The following ARMC3 variants were observed in gnomAD, a reference collection of about 807,000 sequenced individuals.
ARMC3 encodes the protein armadillo repeat-containing protein 3.
ARMC3 carries 74 observed loss-of-function variants against 90.3 expected under a neutral mutation model. The ratio of observed to expected loss-of-function variants is 0.82; its 90% CI spans 0.68 to 0.99. ARMC3 has a LOEUF of 0.99. ARMC3 is among the 50% of genes least tolerant of loss of function. The pLI is 0.00. For synonymous variants in ARMC3, 334 were observed against 361.8 expected (o/e 0.92, Z 0.87); for missense variants, 958 against 1,042.8 (o/e 0.92, Z 1.12).
chr10:22,948,331 G>A (rs890702806), intron 3 of ARMC3, among the ~76,000 whole-genome samples: 3 of 152,006 alleles, frequency 2.0e-5, no homozygotes, highest in South Asian at 2.1e-4. Flanking sequence ...TGGCTGTCAC[G>A]TGTATCTAAT....
Position 22,962,020 on chromosome 10 carries a change from G to A in ARMC3, c.674G>A (p.Arg225Gln), listed in dbSNP as rs1021320309. The A allele has an allele frequency of 6.8e-6, 11 of 1,610,518 alleles. No homozygotes were observed. The highest frequency in any genetic ancestry group is 3.4e-5 in the Admixed American group (2 of 59,124). ...GTTATTGCAAATGATAAGGAGTCTC[G>A]AACAATGCTAAGAGACAATCAAGGA... Reference protein sequence around the residue: ...LGVIANDKESRTMLRDNQGLD... With the variant: ...LGVIANDKESQTMLRDNQGLD... Residue 225 changes from arginine to glutamine, a missense_variant, in exon 7 of 19, where the codon CGA (arginine) becomes CAA (glutamine). Arg to Gln is a conservative substitution (Grantham distance 43, BLOSUM62 1). Transcript: ENST00000298032.
At chr10:23,024,778 A>C (rs1564403454) in intron 16 of ARMC3, among the ~76,000 whole-genome samples, 1 of 152,230 alleles carries the variant, frequency 6.6e-6, no homozygotes, top group Non-Finnish European at 1.5e-5. Flanking sequence ...GAGCAGAGGA[A>C]TAAAAACCAA....
chr10:22,984,939 C>T (rs996346550), intron 10 of ARMC3, among the ~76,000 whole-genome samples: 5 of 151,448 alleles, frequency 3.3e-5, no homozygotes, highest in South Asian at 4.2e-4. Flanking sequence ...ATGGTACAAT[C>T]GTAGCTCACT....
intron 8 of ARMC3, 104 bp downstream of exon 8, chr10:22,968,593 C>T: frequency 2.8e-6 from 3 of 1,054,074 alleles, no homozygotes; most frequent in Non-Finnish European, 3.9e-6. Flanking sequence ...TCAACCTCCC[C>T]AGGTTACAAG....
chr10:23,034,196 A>G (rs748136091), intron 18 of ARMC3, among the ~76,000 whole-genome samples: 1 of 150,986 alleles, frequency 6.6e-6, no homozygotes, highest in African/African-American at 2.4e-5. Flanking sequence ...TGCCTGCTCT[A>G]TCAATTCTTC....
chr10:23,000,968 A>G (rs944667600), intron 11 of ARMC3, among the ~76,000 whole-genome samples: 1 of 152,154 alleles, frequency 6.6e-6, no homozygotes, highest in African/African-American at 2.4e-5. Flanking sequence ...ATGTCTTTTA[A>G]TAATGTAATT....
chr10:22,998,468 TTTTTAAGTGA>T (rs1476300635), intron 11 of ARMC3, 71 bp downstream of exon 11: 127 of 1,556,228 alleles, frequency 8.2e-5, no homozygotes. Flanking sequence ...ATTGGAAACA[TTTTTAAGTGA>T]TTGAACCTAC....
chr10:22,952,827 C>A (rs544823689), intron 3 of ARMC3, among the ~76,000 whole-genome samples: 44 of 152,334 alleles, frequency 2.9e-4, no homozygotes, highest in African/African-American at 1.0e-3. Flanking sequence ...GCAAACACAT[C>A]ATGACTAAAT....
chr10:22,980,545 T>A (rs550854792), intron 8 of ARMC3, among the ~76,000 whole-genome samples: 1 of 152,146 alleles, frequency 6.6e-6, no homozygotes, highest in East Asian at 1.9e-4. Flanking sequence ...AAACAAAAAA[T>A]TATTTTAATG....
intron 1 of ARMC3, among the ~76,000 whole-genome samples, chr10:22,928,823 G>A (rs1833813271): frequency 6.6e-6 from 1 of 152,238 alleles, no homozygotes; most frequent in Admixed American, 6.5e-5. Flanking sequence ...GGGAAACTGA[G>A]ACTTCATGAA....
chr10:23,034,938 T>TA (rs1299473400), intron 18 of ARMC3, among the ~76,000 whole-genome samples: 1 of 152,208 alleles, frequency 6.6e-6, no homozygotes, highest in East Asian at 1.9e-4. Context: ...TGTATGTGAT[T>TA]AGTAGCCAGC....
chr10:22,982,741 A>G (rs554269295), intron 10 of ARMC3, among the ~76,000 whole-genome samples: 3 of 152,314 alleles, frequency 2.0e-5, no homozygotes, highest in South Asian at 2.1e-4. Context: ...CTCATTTGGT[A>G]TGTTAGTTAG....
At chr10:23,013,663 A>C (rs947863738) in intron 16 of ARMC3, among the ~76,000 whole-genome samples, 3 of 152,208 alleles carry the variant, frequency 2.0e-5, no homozygotes, top group South Asian at 2.1e-4. Flanking sequence ...CATGTGTACA[A>C]TACAGTGTTA....
chr10:23,007,053 G>A (rs1837652299), intron 14 of ARMC3, 72 bp downstream of exon 14: 2 of 1,259,430 alleles, frequency 1.6e-6, no homozygotes, highest in Non-Finnish European at 2.2e-6. Flanking sequence ...CCACCAACGT[G>A]TGAATATGCA....
intron 15 of ARMC3, 128 bp from the exon 16 acceptor site, chr10:23,008,687 C>A: frequency 3.8e-6 from 3 of 798,484 alleles, no homozygotes; most frequent in Non-Finnish European, 6.0e-6. Flanking sequence ...GGAAAGGAAT[C>A]AAGTTATATA....
chr10:22,959,529 G>T lies in ARMC3; in HGVS notation c.492G>T (p.Pro164=). 6.2e-7 allele frequency: 1 copy of T among 1,610,456 alleles called. No individual in the cohort carries two copies. Among genetic ancestry groups the T allele is most frequent in the South Asian group, 1.1e-5 (1 of 89,904 alleles). Residue 164 remains proline (P), a synonymous_variant, in exon 6 of 19, where the codon CCG becomes CCT. Coordinates refer to ENST00000298032, the MANE Select transcript of ARMC3 (RefSeq NM_173081.5). ...PLIRLLSSPD[P]DVKKNSMECI... is the part of the protein sequence containing the mutation. Reference sequence around the variant, plus strand: ...TCAGACTACTGAGTAGCCCTGACCCGGATGTAAAGAAGAACTCTATGGAAT... The same window carrying T: ...TCAGACTACTGAGTAGCCCTGACCCTGATGTAAAGAAGAACTCTATGGAAT...
chr10:23,021,096 G>C (rs1838493427), intron 16 of ARMC3, among the ~76,000 whole-genome samples: 1 of 152,106 alleles, frequency 6.6e-6, no homozygotes, highest in African/African-American at 2.4e-5. Context: ...AATTCACTTA[G>C]GATAATGACC....
intron 4 of ARMC3, among the ~76,000 whole-genome samples, chr10:22,956,560 G>A (rs563922581): frequency 3.3e-5 from 5 of 151,914 alleles, no homozygotes; most frequent in South Asian, 2.1e-4. Context: ...CTGAGATTGC[G>A]CCACTGCACT....
intron 16 of ARMC3, among the ~76,000 whole-genome samples, chr10:23,019,552 G>GT (rs1250619221): frequency 5.9e-5 from 9 of 151,668 alleles, no homozygotes; most frequent in East Asian, 1.9e-4. Context: ...GCTTTGTTTT[G>GT]TTTTTTTTAG....
Sources: gnomAD v4.1 joint callset for allele counts (sites outside exome capture counted in the v4.1 genomes callset) on GRCh38, gnomAD v4.1.1 for gene constraint, MANE v1.5 for transcripts, NCBI Gene and HGNC (gene_info 2026-07-23, HGNC 2026-07-21) for gene names.